The following CLEC12A variants were observed in gnomAD, a reference collection of about 807,000 sequenced individuals.
The protein encoded by CLEC12A is C-type lectin domain family 12 member A.
A neutral mutation model predicts 26.5 loss-of-function variants in CLEC12A; 22 were observed. That is an observed-to-expected ratio of 0.83 (90% confidence interval 0.59 to 1.19). CLEC12A has a LOEUF of 1.19. Among genes scored for constraint, CLEC12A ranks in the 50% most tolerant of loss-of-function variants. The probability of loss-of-function intolerance (pLI) is 0.00; values close to 1 mark genes in which losing one functional copy is unlikely to be tolerated. For missense variants in CLEC12A, 353 were observed against 315.6 expected (o/e 1.12, Z -0.90); for synonymous variants, 119 against 101.9 (o/e 1.17, Z -1.01).
At chr12:9,955,132 G>T (rs1363818960) in intron 1 of CLEC12A, among the ~76,000 whole-genome samples, 1 of 152,120 alleles carries the variant, frequency 6.6e-6, no homozygotes, top group African/African-American at 2.4e-5. Flanking sequence ...TGTCGCCCAG[G>T]CTGGAGTGCA....
rs1864712009 is a variant in CLEC12A at position 9,984,946 on chromosome 12, T to C, written c.718T>C (p.Cys240Arg). The C allele has an allele frequency of 1.3e-5, 21 of 1,576,928 alleles. No homozygotes were observed. Among genetic ancestry groups the C allele is most frequent in the Non-Finnish European group, 1.8e-5 (21 of 1,158,060 alleles). ...TAGACTATATGTTCAATATTATCAC[T>C]GCACTTATAAAAAAAGAATGATATG... ...INRLYVQYYH[C>R]TYKKRMICEK... The change falls in exon 6 of 6, where the codon TGC becomes CGC. Residue 240 changes from cysteine (C) to arginine (R), a missense_variant. Physicochemically the swap from Cys to Arg is radical, Grantham distance 180. Coordinates refer to ENST00000304361, the MANE Select transcript of CLEC12A (RefSeq NM_138337.6).
downstream of CLEC12A, chr12:9,997,169 C>T: frequency 6.2e-7 from 1 of 1,613,788 alleles, no homozygotes; most frequent in Non-Finnish European, 8.5e-7. Context: ...CTGAAAGTGC[C>T]CTTTAGTTCT....
chr12:9,973,817 T>C (rs1864228611), intron 1 of CLEC12A, among the ~76,000 whole-genome samples: 1 of 151,900 alleles, frequency 6.6e-6, no homozygotes, highest in African/African-American at 2.4e-5. Flanking sequence ...TTTTCCTTTC[T>C]CTCCTGTGTC....
chr12:9,976,355 G>C (rs559256820), intron 1 of CLEC12A, among the ~76,000 whole-genome samples: 2 of 152,312 alleles, frequency 1.3e-5, no homozygotes, highest in East Asian at 3.9e-4. Context: ...AAAGACATGG[G>C]AGCCTACCTC....
At chr12:9,987,613 A>G (rs1255884394), downstream of CLEC12A, among the ~76,000 whole-genome samples, 1 of 152,214 alleles carries the variant, frequency 6.6e-6, no homozygotes, top group African/African-American at 2.4e-5. Context: ...AGTACTAGAA[A>G]GGGGAAACAT....
At chr12:10,005,768 CCTT>C in the CLEC12A span, among the ~76,000 whole-genome samples, 2 of 151,826 alleles carry the variant, frequency 1.3e-5, no homozygotes, top group African/African-American at 4.8e-5. Context: ...TCCTCTGTCT[CCTT>C]CTTGTGGCCA....
At chr12:9,952,442 G>T (rs939273372) in intron 1 of CLEC12A, 1 of 154,888 alleles carries the variant, frequency 6.5e-6, no homozygotes, top group African/African-American at 2.5e-5. Flanking sequence ...CTCCCGAGGT[G>T]CCGGGATTGC....
At chr12:9,973,959 A>G (rs549604133) in intron 1 of CLEC12A, among the ~76,000 whole-genome samples, 82 of 152,210 alleles carry the variant, frequency 5.4e-4, no homozygotes, top group African/African-American at 2.0e-3. Context: ...TTCCATTATT[A>G]TTTAACTTCT....
chr12:9,993,126 C>G (rs368407925), intron 4 of CLEC12A: 99 of 1,602,406 alleles, frequency 6.2e-5, no homozygotes, highest in Middle Eastern at 4.4e-4. Context: ...CTGTGTTATC[C>G]TGTCCACCTC....
chr12:9,973,283 A>G (rs1429730718), intron 1 of CLEC12A, among the ~76,000 whole-genome samples: 2 of 151,714 alleles, frequency 1.3e-5, no homozygotes, highest in Non-Finnish European at 2.9e-5. Flanking sequence ...GAAAGTAGAG[A>G]TATGCCATGT....
In CLEC12A at chr12:9,983,494, AT is replaced by A. The variant is rs774857274; in HGVS notation, c.641+1368del. 379 of 695,494 alleles carry A rather than the reference AT, an allele frequency of 5.4e-4. 1 individual carries two copies. Among genetic ancestry groups the A allele is most frequent in the Non-Finnish European group, 7.2e-4 (275 of 383,130 alleles). 43.1% of individuals were successfully genotyped at this position (695,494 alleles called of 1,614,324 possible). A position where few individuals can be genotyped will look rare whatever the true frequency, so the allele number is the denominator to read the frequency against. On this transcript the variant is annotated intron_variant, in intron 5 of 5. Transcript: ENST00000304361. ...ACATATAAAAATAGTGGCAAATTCC[AT>A]TTGTATTTTTTAATCTCTGAAATTT... is the stretch of plus-strand genomic sequence containing the variant.
At chr12:9,960,099 C>T (rs540987186) in intron 1 of CLEC12A, among the ~76,000 whole-genome samples, 10 of 152,270 alleles carry the variant, frequency 6.6e-5, no homozygotes, top group African/African-American at 2.2e-4. Context: ...GTGCTGCTGA[C>T]CACCCACTCG....
chr12:9,969,823 A>G (rs1864062738), upstream of CLEC12A, among the ~76,000 whole-genome samples: 1 of 152,250 alleles, frequency 6.6e-6, no homozygotes, highest in Admixed American at 6.5e-5. Context: ...GCCTGTGCAC[A>G]TATTTGAACA....
At chr12:9,952,824 G>T (rs1182876320) in intron 1 of CLEC12A, 1 of 103,230 alleles carries the variant, frequency 9.7e-6, no homozygotes, top group Non-Finnish European at 2.0e-5. Context: ...CCTCTGCCCC[G>T]CCGCCCCATC....
chr12:9,957,921 T>C (rs1390478663), intron 1 of CLEC12A, among the ~76,000 whole-genome samples: 3 of 152,166 alleles, frequency 2.0e-5, no homozygotes, highest in Non-Finnish European at 2.9e-5. Context: ...AAAATTAAAG[T>C]AGGAGAATAT....
chr12:9,971,193 T>G (rs544406630), upstream of CLEC12A, among the ~76,000 whole-genome samples: 1 of 152,308 alleles, frequency 6.6e-6, no homozygotes, highest in African/African-American at 2.4e-5. Flanking sequence ...TGAAAGTTTT[T>G]CACCAATAAA....
exon 5 of CLEC12A, chr12:9,995,027 G>A: frequency 6.3e-7 from 1 of 1,579,128 alleles, no homozygotes; most frequent in Non-Finnish European, 8.6e-7. Context: ...GCAGGTAAGT[G>A]ACCCAGCTGC....
chr12:9,996,321 A>G (rs964428760), downstream of CLEC12A, among the ~76,000 whole-genome samples: 1 of 152,202 alleles, frequency 6.6e-6, no homozygotes, highest in Non-Finnish European at 1.5e-5. Context: ...AAGTTGCATG[A>G]CTACTTTTAG....
intron 1 of CLEC12A, chr12:9,951,550 G>A (rs1355380366): frequency 3.5e-6 from 2 of 578,588 alleles, no homozygotes; most frequent in South Asian, 2.1e-5. Context: ...TCATTTGTGG[G>A]TCCAGACAGC....
Sources: gnomAD v4.1 joint callset for allele counts (sites outside exome capture counted in the v4.1 genomes callset) on GRCh38, gnomAD v4.1.1 for gene constraint, MANE v1.5 for transcripts, NCBI Gene and HGNC (gene_info 2026-07-23, HGNC 2026-07-21) for gene names.